Variants in DAZL observed in about 807,000 individuals in gnomAD.
The protein encoded by DAZL is deleted in azoospermia-like.
DAZL carries 4 observed loss-of-function variants against 45.0 expected under a neutral mutation model. The observed-to-expected ratio is 0.09, with a 90% CI of 0.04 to 0.20. The LOEUF is 0.20. Among genes scored for constraint, DAZL ranks in the 10% least tolerant of loss-of-function variants. DAZL has a pLI of 1.00. For missense variants in DAZL, 326 were observed against 351.3 expected, an observed-to-expected ratio of 0.93 and a Z score of 0.58; for synonymous variants, 122 against 112.4, an observed-to-expected ratio of 1.09 and a Z score of -0.54.
In DAZL at chr3:16,597,551, C is replaced by T. The variant is rs1559403446; in HGVS notation, c.243-10G>A. The T allele has an allele frequency of 3.2e-6, 5 of 1,549,218 alleles. No individual in the cohort carries two copies. The South Asian group carries it at 5.6e-5, about 17-fold the overall frequency. ...TGAAACAAATCCATAGCTATAAAGGCAGATAAATGAAGTATAAAATCACCA... is the reference window on the plus strand; with the variant it reads ...TGAAACAAATCCATAGCTATAAAGGTAGATAAATGAAGTATAAAATCACCA... On this transcript the variant is annotated splice_polypyrimidine_tract_variant and intron_variant, in intron 3 of 10. Coordinates refer to ENST00000399444, the MANE Select transcript of DAZL (RefSeq NM_001351.4).
At chr3:16,594,488 T>A in intron 8 of DAZL, 45 bp downstream of exon 8, 1 of 1,399,094 alleles carries the variant, frequency 7.1e-7, no homozygotes, top group Non-Finnish European at 9.8e-7. Context: ...CAAAAAAAAA[T>A]ACTTTAAAAT....
Position 16,593,735 on chromosome 3 carries a change from C to G in DAZL, c.655G>C (p.Val219Leu), listed in dbSNP as rs370525637. 1.2e-6 allele frequency: 2 copies of G among 1,612,398 alleles called. No homozygotes were observed. The highest frequency in any genetic ancestry group is 1.7e-6 in the Non-Finnish European group (2 of 1,178,916). Residue 219 changes from valine (V) to leucine (L), a missense_variant, in exon 9 of 11, where the codon GTT becomes CTT. Physicochemically the swap from Val to Leu is conservative, Grantham distance 32 (BLOSUM62 1). Transcript: ENST00000399444. The stretch of plus-strand genomic sequence containing the variant: ...GGCACAACTTCAGCTCCTGGATCAA[C>G]TTCATTACAGTGGTAGTTAACAGCT... The part of the protein sequence containing the change: ...YSAVNYHCNE[V>L]DPGAEVVPNE...
intron 8 of DAZL, 118 bp from the exon 9 acceptor site, chr3:16,593,886 C>A: frequency 1.6e-6 from 1 of 635,866 alleles, no homozygotes; most frequent in Non-Finnish European, 2.7e-6. Flanking sequence ...TGTTGAAATT[C>A]AATTATATTA....
At position 16,604,102 on chromosome 3, in the gene DAZL, C is replaced by T. The variant is rs1034128888; in HGVS notation, c.3+1101G>A. 2.0e-5 allele frequency among the ~76,000 whole-genome samples: 3 copies of T among 152,280 alleles called. No homozygotes were observed. The South Asian group carries it at 6.2e-4, about 32-fold the overall frequency. On this transcript the variant is annotated intron_variant, in intron 1 of 10. Coordinates refer to ENST00000399444, the MANE Select transcript of DAZL (RefSeq NM_001351.4). ...TGGATAACTATATGTTGCACAATTACACATAATAGGTGTTTATTTTTATTT... is the reference window on the plus strand; with the variant it reads ...TGGATAACTATATGTTGCACAATTATACATAATAGGTGTTTATTTTTATTT...
chr3:16,599,866 T>TA, intron 1 of DAZL, among the ~76,000 whole-genome samples: 1 of 152,330 alleles, frequency 6.6e-6, no homozygotes, highest in African/African-American at 2.4e-5. Flanking sequence ...ACAAGCCACT[T>TA]ACTTGCCAGC....
intron 9 of DAZL, 125 bp from the exon 10 acceptor site, chr3:16,592,273 G>C: frequency 7.1e-7 from 1 of 1,411,650 alleles, no homozygotes; most frequent in Non-Finnish European, 9.8e-7. Flanking sequence ...AATGCTAAAA[G>C]AGACTGGGAG....
chr3:16,601,784 T>C (rs538718538), intron 1 of DAZL, among the ~76,000 whole-genome samples: 1 of 152,216 alleles, frequency 6.6e-6, no homozygotes, highest in Non-Finnish European at 1.5e-5. Context: ...AAGACCATCA[T>C]ATACACAACT....
At chr3:16,595,211 T>C in intron 7 of DAZL, 103 bp downstream of exon 7, 1 of 651,746 alleles carries the variant, frequency 1.5e-6, no homozygotes, top group Non-Finnish European at 2.6e-6. Flanking sequence ...TTTAGGTACA[T>C]TTCACTAGTT....
intron 1 of DAZL, among the ~76,000 whole-genome samples, chr3:16,603,899 A>T (rs918638257): frequency 6.6e-6 from 1 of 152,166 alleles, no homozygotes; most frequent in Non-Finnish European, 1.5e-5. Context: ...AACGGTTATA[A>T]GTGTTGGGAT....
At chr3:16,593,919 G>T (rs1311716589) in intron 8 of DAZL, 151 bp from the exon 9 acceptor site, 8 of 575,834 alleles carry the variant, frequency 1.4e-5, no homozygotes. Flanking sequence ...TGTTTTAAAT[G>T]AACAGTTGAA....
intron 10 of DAZL, among the ~76,000 whole-genome samples, chr3:16,590,444 C>T (rs1694500935): frequency 6.6e-6 from 1 of 152,122 alleles, no homozygotes; most frequent in African/African-American, 2.4e-5. Flanking sequence ...TTAAACATTT[C>T]CTTTTGAATG....
chr3:16,603,875 A>G (rs1452015570), intron 1 of DAZL, among the ~76,000 whole-genome samples: 11 of 152,194 alleles, frequency 7.2e-5, no homozygotes, highest in Admixed American at 2.0e-4. Flanking sequence ...AAGGTCATAC[A>G]TGTACCAAAA....
chr3:16,602,021 T>G (rs942025511), intron 1 of DAZL, among the ~76,000 whole-genome samples: 2 of 151,726 alleles, frequency 1.3e-5, no homozygotes, highest in Non-Finnish European at 2.9e-5. Context: ...TTCACACCAA[T>G]AGGAAGGAAC....
intron 10 of DAZL, among the ~76,000 whole-genome samples, chr3:16,591,624 G>A (rs1180224566): frequency 2.0e-5 from 3 of 151,914 alleles, no homozygotes. Context: ...TGTAGAGATG[G>A]GGTTTTGCCA....
At chr3:16,604,791 GGGGGA>G in intron 1 of DAZL, 1 of 1,356,610 alleles carries the variant, frequency 7.4e-7, no homozygotes, top group Non-Finnish European at 9.5e-7. Context: ...GCGTGGGAGT[GGGGGA>G]GGGGCGGAGG....
At chr3:16,602,323 A>G (rs1694703040) in intron 1 of DAZL, among the ~76,000 whole-genome samples, 1 of 152,220 alleles carries the variant, frequency 6.6e-6, no homozygotes, top group Non-Finnish European at 1.5e-5. Context: ...AATTTTTACA[A>G]AACAATCTTG....
chr3:16,605,101 G>T, intron 1 of DAZL, 102 bp downstream of exon 1: 2 of 1,484,492 alleles, frequency 1.3e-6, no homozygotes, highest in Non-Finnish European at 1.9e-6. Flanking sequence ...CCCCAAACAG[G>T]AAAGCCGAGG....
chr3:16,594,576 G>C lies in DAZL; in HGVS notation c.578C>G (p.Pro193Arg). Residue 193 changes from proline (P) to arginine (R), a missense_variant, in exon 8 of 11, where the codon CCA (proline) becomes CGA (arginine). By Grantham distance (103) the Pro-to-Arg change is moderately radical. Around this residue, in one of 3 missense-constraint regions of DAZL, gnomAD observed 227 missense variants for 216.6 expected, o/e 1.05. Transcript: ENST00000399444. ...CCTTTGCTCCCCAACAGGCCACTGT[G>C]GTGGCATCTTAAAAAAAAAAAAAAG... The part of the protein sequence containing the change: ...QLPVYNYQMP[P>R]QWPVGEQRSY... The C allele has an allele frequency of 6.4e-7, 1 of 1,563,998 alleles. No individual in the cohort carries two copies. The highest frequency in any genetic ancestry group is 1.4e-5 in the African/African-American group (1 of 69,902).
At chr3:16,591,433 A>AT (rs200206679) in intron 10 of DAZL, among the ~76,000 whole-genome samples, 26,939 of 143,694 alleles carry the variant, frequency 0.19, 3,360 homozygotes, top group African/African-American at 0.36. Flanking sequence ...ATATGCATGT[A>AT]TTTTTTTTTT....
Sources: gnomAD v4.1 joint callset for allele counts (sites outside exome capture counted in the v4.1 genomes callset) on GRCh38, gnomAD v4.1.1 for gene constraint, gnomAD v4.1.1 regional missense constraint, MANE v1.5 for transcripts, NCBI Gene and HGNC (gene_info 2026-07-23, HGNC 2026-07-21) for gene names.